STK39: variants seen among roughly 807,000 people sequenced by gnomAD.
STK39 encodes the protein serine/threonine kinase 39.
STK39 carries 20 observed loss-of-function variants against 77.8 expected under a neutral mutation model. The ratio of observed to expected loss-of-function variants is 0.26; its 90% CI spans 0.18 to 0.37. The LOEUF (loss-of-function observed/expected upper bound fraction) is 0.37. Ranked by LOEUF, STK39 falls within the 10% of genes least tolerant of loss-of-function variation. STK39 has a pLI of 1.00. For missense variants in STK39, 479 were observed against 656.5 expected, an observed-to-expected ratio of 0.73 and a Z score of 2.95; for synonymous variants, 246 against 234.1, an observed-to-expected ratio of 1.05 and a Z score of -0.47.
At chr2:168,169,321 A>G (rs988564959) in intron 2 of STK39, among the ~76,000 whole-genome samples, 1 of 152,186 alleles carries the variant, frequency 6.6e-6, no homozygotes. Flanking sequence ...GATGGCCCAC[A>G]CTGAAGGTCT....
At chr2:168,008,952 T>C (rs539669090) in intron 16 of STK39, among the ~76,000 whole-genome samples, 5 of 152,286 alleles carry the variant, frequency 3.3e-5, no homozygotes, top group Admixed American at 2.6e-4. Flanking sequence ...TTACCTTCCT[T>C]CTTTCTCCCC....
At chr2:168,012,925 T>C (rs1316811727) in intron 15 of STK39, among the ~76,000 whole-genome samples, 3 of 152,246 alleles carry the variant, frequency 2.0e-5, no homozygotes, top group Non-Finnish European at 4.4e-5. Context: ...AAAATTATTT[T>C]TTCTATTTTT....
intron 4 of STK39, among the ~76,000 whole-genome samples, chr2:168,162,519 C>A (rs1427733284): frequency 6.6e-6 from 1 of 152,164 alleles, no homozygotes; most frequent in African/African-American, 2.4e-5. Flanking sequence ...CTATGTAAAG[C>A]TCCTCTACTT....
chr2:168,048,489 G>A (rs1685305903), intron 14 of STK39, among the ~76,000 whole-genome samples: 1 of 139,030 alleles, frequency 7.2e-6, no homozygotes, highest in African/African-American at 2.6e-5. Flanking sequence ...TGGGATTACA[G>A]GTGTGAGCCA....
chr2:167,988,543 G>C (rs549740869), intron 16 of STK39, among the ~76,000 whole-genome samples: 69 of 152,084 alleles, frequency 4.5e-4, no homozygotes, highest in Non-Finnish European at 7.4e-4. Context: ...CTGTAGAAAA[G>C]CAAAGCTGTT....
intron 1 of STK39, among the ~76,000 whole-genome samples, chr2:168,197,566 A>G (rs986123309): frequency 1.3e-5 from 2 of 152,248 alleles, no homozygotes; most frequent in Non-Finnish European, 2.9e-5. Flanking sequence ...TCAGGGGGAA[A>G]GAACTGTCCA....
At chr2:168,210,719 C>A (rs952722998) in intron 1 of STK39, among the ~76,000 whole-genome samples, 3 of 152,058 alleles carry the variant, frequency 2.0e-5, no homozygotes, top group African/African-American at 7.2e-5. Flanking sequence ...GTGGTTTTGC[C>A]ATGTCAGCCA....
chr2:168,134,512 CAAA>C (rs34222654), intron 8 of STK39, among the ~76,000 whole-genome samples: 7 of 128,416 alleles, frequency 5.5e-5, no homozygotes, highest in Admixed American at 1.6e-4. Context: ...CCCCTTGTTG[CAAA>C]AAAAAAAAAA....
At chr2:168,181,167 A>C (rs1689075158) in intron 2 of STK39, among the ~76,000 whole-genome samples, 1 of 152,204 alleles carries the variant, frequency 6.6e-6, no homozygotes. Flanking sequence ...GGGGATAACC[A>C]ATCAGTTAAC....
chr2:168,068,554 A>G (rs1462769744), intron 12 of STK39, among the ~76,000 whole-genome samples: 1 of 152,204 alleles, frequency 6.6e-6, no homozygotes, highest in African/African-American at 2.4e-5. Flanking sequence ...AATACATAAG[A>G]AATCAACAGT....
chr2:168,161,936 C>G, intron 4 of STK39, 94 bp from the exon 5 acceptor site: 5 of 829,438 alleles, frequency 6.0e-6, no homozygotes, highest in Non-Finnish European at 7.6e-6. Flanking sequence ...TCATACAACG[C>G]AGCTCTTTGA....
intron 1 of STK39, among the ~76,000 whole-genome samples, chr2:168,191,132 C>T (rs571570995): frequency 5.9e-5 from 9 of 152,328 alleles, no homozygotes; most frequent in Admixed American, 1.3e-4. Flanking sequence ...AGGTCAGTCC[C>T]ACTCCATCCC....
At chr2:168,147,070 C>A (rs554167253) in intron 5 of STK39, among the ~76,000 whole-genome samples, 84 of 152,278 alleles carry the variant, frequency 5.5e-4, no homozygotes, top group African/African-American at 1.6e-3. Context: ...GAAGGAAATG[C>A]AAAATGCAAT....
At chr2:168,150,836 G>A (rs1267908681) in intron 5 of STK39, among the ~76,000 whole-genome samples, 2 of 151,892 alleles carry the variant, frequency 1.3e-5, no homozygotes, top group Admixed American at 6.6e-5. Context: ...TACATATTGG[G>A]ACACACCACC....
At position 168,130,190 on chromosome 2, in the gene STK39, T is replaced by A. The variant is rs546819960; in HGVS notation, c.975-432A>T. On this transcript the variant is annotated intron_variant, in intron 8 of 17. Transcript: ENST00000355999. The stretch of plus-strand genomic sequence containing the variant: ...CAAGAGCAGCAGGTACTGCAAGGGG[T>A]CCACACATCGTGTCCACGCTCTGTT... Among the ~76,000 whole-genome samples, 6 of 152,288 alleles carry A rather than the reference T, an allele frequency of 3.9e-5. No homozygotes were observed. The East Asian group carries it at 1.2e-3, about 29-fold the overall frequency.
At chr2:168,171,625 G>A (rs1205954359) in intron 2 of STK39, among the ~76,000 whole-genome samples, 1 of 151,778 alleles carries the variant, frequency 6.6e-6, no homozygotes, top group Admixed American at 6.6e-5. Context: ...TAGCAGGGGG[G>A]ATGAGCACAT....
intron 16 of STK39, among the ~76,000 whole-genome samples, chr2:168,005,908 G>C (rs887413152): frequency 6.6e-6 from 1 of 152,176 alleles, no homozygotes. Flanking sequence ...TAGTCCAAAA[G>C]TCTACTGAGA....
At chr2:168,031,446 C>T (rs951276821) in intron 14 of STK39, among the ~76,000 whole-genome samples, 7 of 152,172 alleles carry the variant, frequency 4.6e-5, no homozygotes, top group African/African-American at 1.7e-4. Flanking sequence ...GAAGTGGCCA[C>T]CACATGAAGC....
intron 16 of STK39, among the ~76,000 whole-genome samples, chr2:167,989,990 C>T (rs961638508): frequency 2.0e-5 from 3 of 151,870 alleles, no homozygotes; most frequent in Non-Finnish European, 4.4e-5. Flanking sequence ...AGCTATAACA[C>T]AAGGGCTAAA....
Sources: allele counts gnomAD v4.1 joint callset (sites outside exome capture counted in the v4.1 genomes callset), GRCh38; gene constraint gnomAD v4.1.1; transcripts MANE v1.5; gene names NCBI Gene and HGNC (gene_info 2026-07-23, HGNC 2026-07-21).